The following ARHGAP42 variants were observed in gnomAD, a reference collection of about 807,000 sequenced individuals.
ARHGAP42 encodes rho GTPase-activating protein 42.
ARHGAP42 carries 63 observed loss-of-function variants against 125.0 expected under a neutral mutation model. The observed-to-expected ratio is 0.50, with a 90% CI of 0.41 to 0.62. The LOEUF is 0.62. Among genes scored for constraint, ARHGAP42 ranks in the 20% least tolerant of loss-of-function variants. The probability of loss-of-function intolerance (pLI) is 0.00; values close to 1 mark genes in which losing one functional copy is unlikely to be tolerated. For missense variants in ARHGAP42, 766 were observed against 1,024.2 expected, an observed-to-expected ratio of 0.75 and a Z score of 3.44; for synonymous variants, 339 against 351.0, an observed-to-expected ratio of 0.97 and a Z score of 0.38.
intron 19 of ARHGAP42, 107 bp downstream of exon 19, chr11:100,974,710 T>C (rs1048698656): frequency 1.7e-6 from 2 of 1,155,042 alleles, no homozygotes; most frequent in African/African-American, 3.1e-5. Context: ...ACTGATGCTC[T>C]TTCCCCAACA....
intron 17 of ARHGAP42, among the ~76,000 whole-genome samples, chr11:100,969,467 C>T (rs781557964): frequency 2.6e-5 from 4 of 152,080 alleles, no homozygotes; most frequent in Non-Finnish European, 4.4e-5. Flanking sequence ...CTTTCATCTG[C>T]TACTGGTACT....
chr11:100,937,016 TTG>T (rs1339543396), intron 8 of ARHGAP42, among the ~76,000 whole-genome samples: 1 of 152,218 alleles, frequency 6.6e-6, no homozygotes, highest in Non-Finnish European at 1.5e-5. Flanking sequence ...GAAGAAACAG[TTG>T]TGTGTGAGTT....
At chr11:100,786,030 C>T (rs509358) in intron 2 of ARHGAP42, among the ~76,000 whole-genome samples, 100,051 of 151,988 alleles carry the variant, frequency 0.66, 33,193 homozygotes, top group Admixed American at 0.72. Flanking sequence ...ATCAGGATAA[C>T]ACCTACTTCA....
chr11:100,892,037 A>C (rs1565262090), intron 4 of ARHGAP42, among the ~76,000 whole-genome samples: 1 of 152,224 alleles, frequency 6.6e-6, no homozygotes, highest in Non-Finnish European at 1.5e-5. Context: ...AGTAGAGCAT[A>C]AAATATGAAG....
Position 100,988,881 on chromosome 11 carries a change from C to A in ARHGAP42, c.*80C>A. The stretch of plus-strand genomic sequence containing the variant: ...TATGATTTTATCTGACACAGATACA[C>A]GGGGATCAGCCCACTAAGTGAAAAC... On this transcript the variant is annotated 3_prime_UTR_variant, in exon 24 of 24. Coordinates refer to ENST00000298815, the MANE Select transcript of ARHGAP42 (RefSeq NM_152432.4). 2 of 1,016,298 alleles carry A rather than the reference C, an allele frequency of 2.0e-6. No homozygotes were observed. The highest frequency in any genetic ancestry group is 1.8e-5 in the South Asian group (1 of 56,862). The allele number at this position is 1,016,298 out of a possible 1,614,324, so 63.0% of individuals were successfully genotyped here. A position where few individuals can be genotyped will look rare whatever the true frequency, so the allele number is the denominator to read the frequency against.
chr11:100,904,893 T>C (rs1341984211), intron 4 of ARHGAP42, among the ~76,000 whole-genome samples: 2 of 152,336 alleles, frequency 1.3e-5, no homozygotes, highest in Non-Finnish European at 2.9e-5. Context: ...GGAGTTCTGG[T>C]ATGCAAACTA....
chr11:100,960,056 A>G, intron 13 of ARHGAP42, 111 bp downstream of exon 13: 1 of 886,402 alleles, frequency 1.1e-6, no homozygotes, highest in Non-Finnish European at 1.7e-6. Flanking sequence ...AACATGGATT[A>G]ATTTTAAGAG....
chr11:100,846,488 C>T (rs1315792322), intron 3 of ARHGAP42, among the ~76,000 whole-genome samples: 2 of 152,054 alleles, frequency 1.3e-5, no homozygotes, highest in Non-Finnish European at 2.9e-5. Flanking sequence ...TCCTGTCTTC[C>T]ATATTCTTTC....
At position 100,798,213 on chromosome 11, in the gene ARHGAP42, C is replaced by T. The variant is rs1008222607; in HGVS notation, c.312+3047C>T. Among the ~76,000 whole-genome samples, 5 of 152,152 alleles carry T rather than the reference C, an allele frequency of 3.3e-5. No homozygotes were observed. The East Asian group carries it at 7.7e-4, about 23-fold the overall frequency. ...TAACAACAAAGGATTTAGAAGACTA[C>T]ATAAACTTAGTTGAGAATGCAGTAG... On this transcript the variant is annotated intron_variant, in intron 3 of 23. Transcript: ENST00000298815.
At chr11:100,745,303 C>G (rs747846257) in intron 1 of ARHGAP42, among the ~76,000 whole-genome samples, 13 of 152,172 alleles carry the variant, frequency 8.5e-5, no homozygotes, top group Admixed American at 2.6e-4. Context: ...TCTCTTCAAA[C>G]TTCTTTAACA....
chr11:100,746,610 T>C (rs1218569304), intron 1 of ARHGAP42, among the ~76,000 whole-genome samples: 1 of 152,244 alleles, frequency 6.6e-6, no homozygotes, highest in African/African-American at 2.4e-5. Flanking sequence ...TACTGAGAAC[T>C]TGCTGTTGTC....
chr11:100,809,771 A>G (rs1214786844), intron 3 of ARHGAP42, among the ~76,000 whole-genome samples: 1 of 152,152 alleles, frequency 6.6e-6, no homozygotes, highest in Non-Finnish European at 1.5e-5. Flanking sequence ...CCTGAGCAAC[A>G]TAGTGAAACC....
At chr11:100,793,953 C>T (rs1863638362) in intron 2 of ARHGAP42, among the ~76,000 whole-genome samples, 1 of 151,562 alleles carries the variant, frequency 6.6e-6, no homozygotes, top group Non-Finnish European at 1.5e-5. Flanking sequence ...AGGTGTGGTA[C>T]ACGCCTGTAG....
intron 3 of ARHGAP42, among the ~76,000 whole-genome samples, chr11:100,814,207 A>G (rs1275414023): frequency 6.6e-6 from 1 of 151,776 alleles, no homozygotes; most frequent in Non-Finnish European, 1.5e-5. Context: ...AAAAAAAAAT[A>G]TTAGCTGGGT....
intron 1 of ARHGAP42, among the ~76,000 whole-genome samples, chr11:100,733,446 A>G (rs1861996003): frequency 6.6e-6 from 1 of 152,250 alleles, no homozygotes; most frequent in African/African-American, 2.4e-5. Context: ...CACTTGAATT[A>G]TAAATTGATT....
At chr11:100,778,466 T>G (rs3858410) in intron 2 of ARHGAP42, among the ~76,000 whole-genome samples, 33,835 of 152,118 alleles carry the variant, frequency 0.22, 4,697 homozygotes, top group East Asian at 0.51. Flanking sequence ...AATGCCTAAA[T>G]TGTTTATACA....
intron 5 of ARHGAP42, among the ~76,000 whole-genome samples, chr11:100,916,694 C>A (rs937339792): frequency 6.6e-6 from 1 of 151,940 alleles, no homozygotes; most frequent in Non-Finnish European, 1.5e-5. Flanking sequence ...CTGAAACATG[C>A]TAGGTAGTTG....
intron 4 of ARHGAP42, among the ~76,000 whole-genome samples, chr11:100,869,920 A>T (rs1295415578): frequency 6.6e-6 from 1 of 152,086 alleles, no homozygotes; most frequent in Non-Finnish European, 1.5e-5. Flanking sequence ...TCAAAATTGT[A>T]TTTTTCCAAA....
intron 4 of ARHGAP42, among the ~76,000 whole-genome samples, chr11:100,908,095 A>G (rs1468762996): frequency 6.6e-6 from 1 of 152,252 alleles, no homozygotes; most frequent in African/African-American, 2.4e-5. Context: ...ATGTAGAAAT[A>G]TTCACTTATT....
Sources: gnomAD v4.1 joint callset for allele counts (sites outside exome capture counted in the v4.1 genomes callset) on GRCh38, gnomAD v4.1.1 for gene constraint, MANE v1.5 for transcripts, NCBI Gene and HGNC (gene_info 2026-07-23, HGNC 2026-07-21) for gene names.